The following VWC2 variants were observed in gnomAD, a reference collection of about 807,000 sequenced individuals.
VWC2 encodes brorin.
A neutral mutation model predicts 29.8 loss-of-function variants in VWC2; 14 were observed. The ratio of observed to expected loss-of-function variants is 0.47; its 90% confidence interval spans 0.31 to 0.74. The LOEUF is 0.74. Among genes scored for constraint, VWC2 ranks in the 30% least tolerant of loss-of-function variants. The pLI is 0.05. For missense variants in VWC2, 457 were observed against 459.8 expected (o/e 0.99, Z 0.05); for synonymous variants, 213 against 199.0 (o/e 1.07, Z -0.59).
At chr7:49,822,985 G>T (rs1789298893) in intron 3 of VWC2, among the ~76,000 whole-genome samples, 1 of 152,190 alleles carries the variant, frequency 6.6e-6, no homozygotes, top group South Asian at 2.1e-4. Context: ...ATAAGCCCTT[G>T]TGTAGAAATA....
At chr7:49,826,457 A>G (rs1299863969) in intron 3 of VWC2, among the ~76,000 whole-genome samples, 1 of 152,194 alleles carries the variant, frequency 6.6e-6, no homozygotes. Context: ...TCATTCAATA[A>G]TTTTCAGTCA....
chr7:49,789,192 T>C (rs961549235), intron 2 of VWC2, among the ~76,000 whole-genome samples: 1 of 146,034 alleles, frequency 6.8e-6, no homozygotes, highest in African/African-American at 2.5e-5. Context: ...TGTGGGTGCA[T>C]GTGTGAGTGT....
At chr7:49,798,956 A>G (rs1708277362) in intron 2 of VWC2, among the ~76,000 whole-genome samples, 1 of 152,218 alleles carries the variant, frequency 6.6e-6, no homozygotes, top group Non-Finnish European at 1.5e-5. Context: ...AGCTGGATCC[A>G]TGACAGGTAG....
chr7:49,883,969 G>C (rs1418335499), intron 3 of VWC2, among the ~76,000 whole-genome samples: 1 of 152,264 alleles, frequency 6.6e-6, no homozygotes, highest in Admixed American at 6.5e-5. Flanking sequence ...TGTGATGGTG[G>C]AGAAAGCATT....
In VWC2 at chr7:49,775,401, TCC is replaced by T. The variant is rs1491523599; in HGVS notation, c.-32_-31del. The T allele has an allele frequency of 6.5e-6, 7 of 1,072,750 alleles. 1 individual carries two copies. Among genetic ancestry groups the T allele is most frequent in the Non-Finnish European group, 7.2e-6 (6 of 829,174 alleles). The allele number at this position is 1,072,750 out of a possible 1,614,324, so 66.5% of individuals were successfully genotyped here. ...AATGCGACTCGCCCCTCGGCCGCGC[TCC>T]CCGCCCGCCCGCCCGCCGGGACGTG... is the stretch of plus-strand genomic sequence containing the variant. On this transcript the variant is annotated 5_prime_UTR_variant, in exon 2 of 4. It removes the in-frame stop codon of an upstream open reading frame in the 5' UTR. Coordinates refer to ENST00000340652, the MANE Select transcript of VWC2 (RefSeq NM_198570.5).
Position 49,918,436 on chromosome 7 carries a change from T to C in VWC2, c.*6251T>C, listed in dbSNP as rs772480660. The stretch of plus-strand genomic sequence containing the variant: ...ATTCTAGAATATCAATCTTGATACT[T>C]GTCAAAGTAAATAGTAGCTCGTCAC... On this transcript the variant is annotated 3_prime_UTR_variant, in exon 4 of 4. Coordinates refer to ENST00000340652, the MANE Select transcript of VWC2 (RefSeq NM_198570.5). 19 of 152,202 alleles carry C rather than the reference T, an allele frequency of 1.2e-4. No homozygotes were observed. The highest frequency in any genetic ancestry group is 2.6e-4 in the Non-Finnish European group (18 of 68,026). The allele number at this position is 152,202 out of a possible 1,614,324, so 9.4% of individuals were successfully genotyped here. A position where few individuals can be genotyped will look rare whatever the true frequency, so the allele number is the denominator to read the frequency against.
chr7:49,865,317 AT>A (rs758938173), intron 3 of VWC2, among the ~76,000 whole-genome samples: 5 of 152,306 alleles, frequency 3.3e-5, no homozygotes, highest in Non-Finnish European at 5.9e-5. Flanking sequence ...TCTCCTATCC[AT>A]TTTGATATCT....
At chr7:49,834,479 GT>G (rs1789611709) in intron 3 of VWC2, among the ~76,000 whole-genome samples, 1 of 152,210 alleles carries the variant, frequency 6.6e-6, no homozygotes, top group South Asian at 2.1e-4. Context: ...GAATGAGCAA[GT>G]GGGGATTATT....
At chr7:49,861,017 G>A (rs1466155127) in intron 3 of VWC2, among the ~76,000 whole-genome samples, 14 of 152,160 alleles carry the variant, frequency 9.2e-5, no homozygotes, top group Non-Finnish European at 1.9e-4. Flanking sequence ...GGTAGCTCTA[G>A]GGAACTAAGA....
intron 3 of VWC2, among the ~76,000 whole-genome samples, chr7:49,832,584 C>A (rs2128711681): frequency 6.6e-6 from 1 of 152,212 alleles, no homozygotes; most frequent in African/African-American, 2.4e-5. Flanking sequence ...TGTGCTGAAC[C>A]AGGTTGACTG....
chr7:49,775,373 G>T lies in VWC2; in HGVS notation c.-63G>T. On this transcript the variant is annotated 5_prime_UTR_variant, in exon 2 of 4. Coordinates refer to ENST00000340652, the MANE Select transcript of VWC2 (RefSeq NM_198570.5). ...GCTGGCGGCGGCGCGCCCCCGGGCT[G>T]TGAATGCGACTCGCCCCTCGGCCGC... 7.7e-7 allele frequency: 1 copy of T among 1,293,780 alleles called. No homozygotes were observed. The highest frequency in any genetic ancestry group is 9.8e-7 in the Non-Finnish European group (1 of 1,016,428). The allele number at this position is 1,293,780 out of a possible 1,614,324, so 80.1% of individuals were successfully genotyped here. A position where few individuals can be genotyped will look rare whatever the true frequency, so the allele number is the denominator to read the frequency against.
intron 3 of VWC2, among the ~76,000 whole-genome samples, chr7:49,882,179 A>T (rs1562750676): frequency 6.6e-6 from 1 of 152,150 alleles, no homozygotes; most frequent in Non-Finnish European, 1.5e-5. Flanking sequence ...TTCTTTTATT[A>T]ATTTAAAAGA....
chr7:49,865,604 C>T (rs1001326225), intron 3 of VWC2, among the ~76,000 whole-genome samples: 8 of 152,204 alleles, frequency 5.3e-5, no homozygotes, highest in Non-Finnish European at 1.2e-4. Context: ...AGAGGGCAAA[C>T]TCCAATATGC....
intron 2 of VWC2, among the ~76,000 whole-genome samples, chr7:49,796,421 G>A (rs1788590989): frequency 6.6e-6 from 1 of 152,152 alleles, no homozygotes; most frequent in African/African-American, 2.4e-5. Context: ...TATTCCAGCA[G>A]CTCACAATCA....
chr7:49,813,974 A>T (rs920705241), intron 3 of VWC2, among the ~76,000 whole-genome samples: 1 of 152,220 alleles, frequency 6.6e-6, no homozygotes, highest in African/African-American at 2.4e-5. Flanking sequence ...TTGTTTCCCT[A>T]CAAATAAATA....
Position 49,802,697 on chromosome 7 carries a change from G to A in VWC2, c.697-14G>A. 1 of 1,614,078 alleles carries A rather than the reference G, an allele frequency of 6.2e-7. No homozygotes were observed. Among genetic ancestry groups the A allele is most frequent in the Non-Finnish European group, 8.5e-7 (1 of 1,179,970 alleles). On this transcript the variant is annotated splice_polypyrimidine_tract_variant and intron_variant, in intron 2 of 3. Transcript: ENST00000340652. ...ACAGCAGGCTAAAGTGCTGATTGTG[G>A]GCTTGTGTTTCAGGTGTCTCCATGC...
intron 3 of VWC2, among the ~76,000 whole-genome samples, chr7:49,843,711 G>C (rs1238369493): frequency 6.6e-6 from 1 of 152,208 alleles, no homozygotes; most frequent in Non-Finnish European, 1.5e-5. Flanking sequence ...AGGTCTATTA[G>C]AGACAAGGTC....
chr7:49,782,949 C>A (rs995715102), intron 2 of VWC2, among the ~76,000 whole-genome samples: 1 of 152,114 alleles, frequency 6.6e-6, no homozygotes, highest in Non-Finnish European at 1.5e-5. Context: ...GCAATTTGAA[C>A]CTGTAAAGCT....
chr7:49,775,756 G>T lies in VWC2; in HGVS notation c.321G>T (p.Gly107=). 2 of 1,513,180 alleles carry T rather than the reference G, an allele frequency of 1.3e-6. No individual in the cohort carries two copies. The allele number at this position is 1,513,180 out of a possible 1,614,324, so 93.7% of individuals were successfully genotyped here. A position where few individuals can be genotyped will look rare whatever the true frequency, so the allele number is the denominator to read the frequency against. ...WVSQGGGAKA[G]DLQVRPRGDT... ...CCCAGGGCGGGGGCGCCAAGGCCGG[G>T]GATCTGCAGGTCCGGCCCCGCGGGG... Residue 107 remains glycine, a synonymous_variant, in exon 2 of 4, where the codon GGG becomes GGT. Transcript: ENST00000340652.
Sources: allele counts gnomAD v4.1 joint callset (sites outside exome capture counted in the v4.1 genomes callset), GRCh38; gene constraint gnomAD v4.1.1; transcripts MANE v1.5; gene names NCBI Gene and HGNC (gene_info 2026-07-23, HGNC 2026-07-21).